Variants in LY96 observed in about 807,000 individuals in gnomAD.
The protein encoded by LY96 is myeloid differentiation protein-2.
Under a neutral mutation model 18.9 loss-of-function variants are expected in LY96, and 18 were observed. That is an observed-to-expected ratio of 0.95 (90% confidence interval 0.66 to 1.41). LY96 has a LOEUF of 1.41. LY96 is among the 40% of genes most tolerant of loss of function. The pLI is 0.00. For missense variants in LY96, 175 were observed against 182.4 expected (o/e 0.96, Z 0.23); for synonymous variants, 66 against 62.6 (o/e 1.06, Z -0.26).
downstream of LY96, among the ~76,000 whole-genome samples, chr8:74,029,656 C>T (rs111467417): frequency 8.6e-3 from 1,312 of 152,204 alleles, 23 homozygotes; most frequent in African/African-American, 0.03. Context: ...AAACCTCTTT[C>T]CTTTATTTTA....
chr8:74,044,736 G>A, the LY96 span, among the ~76,000 whole-genome samples: 3 of 152,128 alleles, frequency 2.0e-5, no homozygotes, highest in East Asian at 5.8e-4. Context: ...TTTTCTCTGA[G>A]CAAATTATCC....
chr8:73,993,915 C>G (rs2131249133), intron 1 of LY96, among the ~76,000 whole-genome samples: 1 of 152,212 alleles, frequency 6.6e-6, no homozygotes, highest in South Asian at 2.1e-4. Flanking sequence ...GAGTGTTTAG[C>G]TCAATTGTAT....
the LY96 span, among the ~76,000 whole-genome samples, chr8:74,049,604 T>C: frequency 3.3e-5 from 5 of 152,266 alleles, no homozygotes; most frequent in Admixed American, 3.3e-4. Flanking sequence ...AAGGCCAAGT[T>C]AGGCAGCACA....
At chr8:74,061,559 A>G in the LY96 span, among the ~76,000 whole-genome samples, 12 of 152,384 alleles carry the variant, frequency 7.9e-5, no homozygotes, top group Non-Finnish European at 1.0e-4. Context: ...TCTGTTGCAC[A>G]GCAGGGTGAC....
At chr8:74,079,600 A>T in the LY96 span, 1 of 152,230 alleles carries the variant, frequency 6.6e-6, no homozygotes, top group South Asian at 2.1e-4. Context: ...GGATGGCCCC[A>T]GTGCCAGGAT....
In LY96 at chr8:74,009,999, A is replaced by C. The variant is rs745620835; in HGVS notation, c.203-2A>C. 8 of 1,593,448 alleles carry C rather than the reference A, an allele frequency of 5.0e-6. No homozygotes were observed. The South Asian group carries it at 6.6e-5, about 13-fold the overall frequency. ...GGCCTAATGGGATTTTTTCTTTTAA[A>C]GGGAGAGATTTAAAGCAATTATATT... is the stretch of plus-strand genomic sequence containing the variant. On this transcript the variant is annotated splice_acceptor_variant, in intron 2 of 4. Transcript: ENST00000284818. LOFTEE classifies it high-confidence loss of function.
chr8:74,055,702 A>G, the LY96 span, among the ~76,000 whole-genome samples: 1 of 152,236 alleles, frequency 6.6e-6, no homozygotes, highest in African/African-American at 2.4e-5. Flanking sequence ...GGCACAATCT[A>G]ATCACATGAT....
At chr8:74,099,238 TA>T in the LY96 span, among the ~76,000 whole-genome samples, 1 of 152,186 alleles carries the variant, frequency 6.6e-6, no homozygotes, top group Non-Finnish European at 1.5e-5. Flanking sequence ...AACCCCAGAA[TA>T]ACCTTGAAAA....
the LY96 span, chr8:74,056,405 G>T: frequency 8.1e-6 from 2 of 246,384 alleles, no homozygotes; most frequent in South Asian, 9.4e-5. Flanking sequence ...TCTTAAAAGA[G>T]ACAATCAATA....
intron 1 of LY96, among the ~76,000 whole-genome samples, chr8:73,995,228 C>G (rs145956132): frequency 1.3e-5 from 2 of 152,182 alleles, no homozygotes; most frequent in Non-Finnish European, 2.9e-5. Context: ...TGGAACTTAC[C>G]AGCCTCCGGA....
chr8:74,012,012 A>T (rs575993697), intron 3 of LY96, among the ~76,000 whole-genome samples: 1 of 152,338 alleles, frequency 6.6e-6, no homozygotes, highest in East Asian at 1.9e-4. Flanking sequence ...CCCCAGCCAG[A>T]ATGGCTATTC....
At chr8:74,028,935 A>T in intron 4 of LY96, 21 bp from the exon 5 acceptor site, 1 of 1,438,410 alleles carries the variant, frequency 7.0e-7, no homozygotes, top group South Asian at 1.2e-5. Context: ...TATTACTTGT[A>T]TTTCTTATAC....
At chr8:74,065,560 C>A in the LY96 span, among the ~76,000 whole-genome samples, 1 of 152,152 alleles carries the variant, frequency 6.6e-6, no homozygotes, top group Non-Finnish European at 1.5e-5. Flanking sequence ...ATCCTGTGGG[C>A]TTTGTAGTGA....
intron 4 of LY96, among the ~76,000 whole-genome samples, chr8:74,027,916 G>A (rs1025807267): frequency 6.6e-6 from 1 of 152,146 alleles, no homozygotes; most frequent in Admixed American, 6.6e-5. Flanking sequence ...AAATCATGGA[G>A]GTTTGAGGAG....
At chr8:74,030,220 T>C (rs1209991988), downstream of LY96, among the ~76,000 whole-genome samples, 1 of 152,086 alleles carries the variant, frequency 6.6e-6, no homozygotes, top group African/African-American at 2.4e-5. Flanking sequence ...ACCAAGAATT[T>C]ACATTAAAAA....
intron 3 of LY96, among the ~76,000 whole-genome samples, chr8:74,024,858 C>T (rs1026210347): frequency 6.6e-6 from 1 of 152,088 alleles, no homozygotes; most frequent in South Asian, 2.1e-4. Context: ...GAGACAAGGT[C>T]TCCCTGTCAC....
At chr8:74,050,347 A>T in the LY96 span, among the ~76,000 whole-genome samples, 2 of 151,292 alleles carry the variant, frequency 1.3e-5, no homozygotes, top group African/African-American at 4.9e-5. Context: ...TATCTCGATT[A>T]AAAAAAAAGT....
chr8:74,012,956 GT>G (rs891274288), intron 3 of LY96, among the ~76,000 whole-genome samples: 19 of 148,126 alleles, frequency 1.3e-4, no homozygotes, highest in African/African-American at 2.0e-4. Context: ...ACTGGGATAA[GT>G]TTTTTTTTTG....
the LY96 span, among the ~76,000 whole-genome samples, chr8:74,062,312 G>T: frequency 6.6e-6 from 1 of 152,082 alleles, no homozygotes; most frequent in Non-Finnish European, 1.5e-5. Flanking sequence ...GTGTGCCATG[G>T]TGGTTTGCTG....
Sources: gnomAD v4.1 joint callset for allele counts (sites outside exome capture counted in the v4.1 genomes callset) on GRCh38, gnomAD v4.1.1 for gene constraint, MANE v1.5 for transcripts, NCBI Gene and HGNC (gene_info 2026-07-23, HGNC 2026-07-21) for gene names.